R3HDM1: variants seen among roughly 807,000 people sequenced by gnomAD.
R3HDM1 encodes R3H domain containing 1.
R3HDM1 carries 46 observed loss-of-function variants against 141.1 expected under a neutral mutation model. The observed-to-expected ratio is 0.33, with a 90% confidence interval of 0.26 to 0.42. The LOEUF (loss-of-function observed/expected upper bound fraction) is 0.42, where lower values mean the gene tolerates loss of function less well. R3HDM1 is among the 10% of genes least tolerant of loss of function. The pLI, the probability that R3HDM1 is intolerant of heterozygous loss-of-function variation, is 1.00. For synonymous variants in R3HDM1, 435 were observed against 472.9 expected, an observed-to-expected ratio of 0.92 and a Z score of 1.04; for missense variants, 1,184 against 1,368.3, an observed-to-expected ratio of 0.87 and a Z score of 2.12.
intron 5 of R3HDM1, among the ~76,000 whole-genome samples, chr2:135,617,336 T>A (rs770909296): frequency 5.3e-4 from 80 of 151,298 alleles, no homozygotes; most frequent in South Asian, 1.3e-3. Flanking sequence ...CAAAAAAAAA[T>A]ATATATATAT....
chr2:135,655,114 C>T (rs2065664626), intron 18 of R3HDM1, among the ~76,000 whole-genome samples: 1 of 152,054 alleles, frequency 6.6e-6, no homozygotes. Context: ...GGTGTCATAT[C>T]TAAGAATTGG....
chr2:135,616,731 G>A lies in R3HDM1; in HGVS notation c.277G>A (p.Ala93Thr). Residue 93 changes from alanine to threonine, a missense_variant, in exon 5 of 27, where the codon GCA (alanine) becomes ACA (threonine). This residue lies in a region of R3HDM1 where 192 missense variants were observed against 215.7 expected (regional missense o/e 0.89). Transcript: ENST00000683871. ...GTGTGAAGAATCTCCACCACCCCCT[G>A]CACCAGAGATATCACAGGAGAACCA... ...AVCEESPPPP[A>T]PEISQENQEK... 6.2e-7 allele frequency: 1 copy of A among 1,607,692 alleles called. No homozygotes were observed. The highest frequency in any genetic ancestry group is 8.5e-7 in the Non-Finnish European group (1 of 1,175,920).
At chr2:135,593,023 G>A (rs542939427) in intron 1 of R3HDM1, among the ~76,000 whole-genome samples, 3 of 152,100 alleles carry the variant, frequency 2.0e-5, no homozygotes, top group African/African-American at 7.2e-5. Context: ...GGATTGAAGC[G>A]ATTCTCCTGC....
Position 135,697,970 on chromosome 2 carries a change from T to C in R3HDM1, c.2460-11463T>C, listed in dbSNP as rs1161445567. On this transcript the variant is annotated intron_variant, in intron 21 of 26. Transcript: ENST00000683871. ...CAGGAGGCTGACGCATAAGAATCAC[T>C]TAAACCTGGGAGGCGGAGGTTGTAA... Among the ~76,000 whole-genome samples, 4 of 150,526 alleles carry C rather than the reference T, an allele frequency of 2.7e-5. No individual in the cohort carries two copies. The East Asian group carries it at 8.0e-4, about 30-fold the overall frequency.
intron 21 of R3HDM1, among the ~76,000 whole-genome samples, chr2:135,701,889 C>T (rs903834861): frequency 2.6e-5 from 4 of 152,164 alleles, no homozygotes; most frequent in African/African-American, 9.7e-5. Context: ...TTTATTCATT[C>T]TGCCATGTGC....
intron 3 of R3HDM1, among the ~76,000 whole-genome samples, chr2:135,610,246 C>T (rs980054028): frequency 1.3e-5 from 2 of 152,140 alleles, no homozygotes; most frequent in African/African-American, 4.8e-5. Context: ...TATATGCACA[C>T]AATTCAAAAC....
intron 21 of R3HDM1, among the ~76,000 whole-genome samples, chr2:135,695,883 T>C (rs1480523311): frequency 2.0e-5 from 3 of 152,246 alleles, no homozygotes; most frequent in Non-Finnish European, 4.4e-5. Context: ...AAATTGGTGG[T>C]ACACAAAAGA....
intron 19 of R3HDM1, among the ~76,000 whole-genome samples, chr2:135,674,170 A>T (rs2068796168): frequency 6.6e-6 from 1 of 152,234 alleles, no homozygotes; most frequent in Non-Finnish European, 1.5e-5. Flanking sequence ...TTATTCAATT[A>T]TTTAGTCCCT....
chr2:135,709,431 A>G lies in R3HDM1; in HGVS notation c.2460-2A>G. ...TATGCTGTTTTTTTGTTTTTTCCATAGCTCTTCAGTAGGTTACCTGCAACA... is the reference window on the plus strand; with the variant it reads ...TATGCTGTTTTTTTGTTTTTTCCATGGCTCTTCAGTAGGTTACCTGCAACA... On this transcript the variant is annotated splice_acceptor_variant, in intron 21 of 26. Transcript: ENST00000683871. LOFTEE classifies it high-confidence loss of function. The G allele has an allele frequency of 6.2e-7, 1 of 1,613,806 alleles. No homozygotes were observed.
intron 21 of R3HDM1, among the ~76,000 whole-genome samples, chr2:135,700,445 A>T (rs1251333387): frequency 6.6e-6 from 1 of 152,210 alleles, no homozygotes; most frequent in African/African-American, 2.4e-5. Flanking sequence ...ACAGCATTTT[A>T]AGTGAATAGA....
At chr2:135,711,276 T>G (rs1171483252) in intron 23 of R3HDM1, among the ~76,000 whole-genome samples, 2 of 152,212 alleles carry the variant, frequency 1.3e-5, no homozygotes, top group Non-Finnish European at 2.9e-5. Context: ...GATGGCATTT[T>G]GAAATAGGAG....
intron 5 of R3HDM1, chr2:135,620,352 T>C (rs1221246941): frequency 1.2e-6 from 1 of 863,596 alleles, no homozygotes; most frequent in African/African-American, 1.8e-5. Context: ...GTAAAGAAAG[T>C]GGGTTGGAAA....
chr2:135,556,692 G>T (rs940579323), intron 1 of R3HDM1, among the ~76,000 whole-genome samples: 2 of 151,752 alleles, frequency 1.3e-5, no homozygotes, highest in East Asian at 1.9e-4. Context: ...CTAATTTTTT[G>T]TATTTTTAGT....
At chr2:135,538,416 A>G (rs952397931) in intron 1 of R3HDM1, among the ~76,000 whole-genome samples, 3 of 152,226 alleles carry the variant, frequency 2.0e-5, no homozygotes, top group African/African-American at 7.2e-5. Context: ...CTTGGGTTCC[A>G]CTAAATTTAT....
chr2:135,722,137 C>G (rs1299139243), intron 25 of R3HDM1, 131 bp downstream of exon 25: 1 of 817,476 alleles, frequency 1.2e-6, no homozygotes, highest in Non-Finnish European at 2.0e-6. Context: ...AGTTGGTTTA[C>G]ACAGATTATC....
chr2:135,660,287 A>G (rs1246153174), intron 18 of R3HDM1, among the ~76,000 whole-genome samples: 1 of 152,144 alleles, frequency 6.6e-6, no homozygotes, highest in Non-Finnish European at 1.5e-5. Flanking sequence ...GCATATATAC[A>G]ATGAGATATC....
chr2:135,623,752 T>C (rs1375909691), intron 7 of R3HDM1, among the ~76,000 whole-genome samples: 3 of 152,306 alleles, frequency 2.0e-5, no homozygotes, highest in African/African-American at 7.2e-5. Flanking sequence ...GTGCTAAACA[T>C]TGTAGATATG....
chr2:135,562,823 C>T lies in R3HDM1; in HGVS notation c.-250+31190C>T, dbSNP rs142541467. Among the ~76,000 whole-genome samples, 43 of 152,284 alleles carry T rather than the reference C, an allele frequency of 2.8e-4. No individual in the cohort carries two copies. In the East Asian group the frequency reaches 6.0e-3, roughly 21 times the overall value. ...TAAATTCATCTTTAGCAAAGGAAAA[C>T]GTCCTGTTTCAACCTCAGTAAATGT... On this transcript the variant is annotated intron_variant, in intron 1 of 26. Transcript: ENST00000683871.
intron 19 of R3HDM1, among the ~76,000 whole-genome samples, chr2:135,666,585 G>T (rs748849450): frequency 6.6e-6 from 1 of 152,168 alleles, no homozygotes. Flanking sequence ...TCCTTGAGTT[G>T]TATAGACTCT....
Sources: gnomAD v4.1 joint callset for allele counts (sites outside exome capture counted in the v4.1 genomes callset) on GRCh38, gnomAD v4.1.1 for gene constraint, gnomAD v4.1.1 regional missense constraint, MANE v1.5 for transcripts, NCBI Gene and HGNC (gene_info 2026-07-23, HGNC 2026-07-21) for gene names.